The following UNC79 variants were observed in gnomAD, a reference collection of about 807,000 sequenced individuals.
UNC79 encodes the protein protein unc-79 homolog.
A neutral mutation model predicts 283.1 loss-of-function variants in UNC79; 37 were observed. The observed-to-expected ratio is 0.13, with a 90% CI of 0.10 to 0.17. The LOEUF is 0.17. UNC79 is among the 10% of genes least tolerant of loss of function. UNC79 has a pLI of 1.00. For missense variants in UNC79, 2,272 were observed against 3,211.1 expected (o/e 0.71, Z 7.07); for synonymous variants, 1,107 against 1,200.2 (o/e 0.92, Z 1.61).
chr14:93,689,785 G>A (rs752581755), intron 44 of UNC79: 2 of 231,784 alleles, frequency 8.6e-6, no homozygotes, highest in South Asian at 1.0e-4. Flanking sequence ...CACCGCGCCC[G>A]GCCCACCAGA....
intron 1 of UNC79, among the ~76,000 whole-genome samples, chr14:93,454,926 T>C (rs1331359174): frequency 6.6e-6 from 1 of 152,186 alleles, no homozygotes; most frequent in Non-Finnish European, 1.5e-5. Context: ...TAAATGGCCA[T>C]ACAAATGTAA....
intron 1 of UNC79, chr14:93,347,500 G>A: frequency 7.8e-7 from 1 of 1,281,582 alleles, no homozygotes. Flanking sequence ...CCTCGCGTGG[G>A]AGGCTCTTGT....
At chr14:93,665,637 C>T (rs1292600934) in intron 40 of UNC79, among the ~76,000 whole-genome samples, 2 of 150,968 alleles carry the variant, frequency 1.3e-5, no homozygotes, top group East Asian at 3.9e-4. Flanking sequence ...AAAATATTTT[C>T]AGAAAAACCA....
Position 93,380,140 on chromosome 14 carries a change from C to T in UNC79, c.-351+46617C>T, listed in dbSNP as rs1595408342. ...TAGATGCATATGTCAGATTTGCTCTCCTTATTGGTGGGATGGGTAGAGTAG... is the reference window on the plus strand; with the variant it reads ...TAGATGCATATGTCAGATTTGCTCTTCTTATTGGTGGGATGGGTAGAGTAG... On this transcript the variant is annotated intron_variant, in intron 1 of 49. Coordinates refer to the UNC79 transcript ENST00000256339. 2.0e-5 allele frequency among the ~76,000 whole-genome samples: 3 copies of T among 152,180 alleles called. No individual in the cohort carries two copies. The South Asian group carries it at 6.2e-4, about 32-fold the overall frequency.
intron 20 of UNC79, among the ~76,000 whole-genome samples, chr14:93,585,755 G>A (rs932287920): frequency 1.3e-5 from 2 of 152,022 alleles, no homozygotes; most frequent in Non-Finnish European, 2.9e-5. Context: ...CTCCCGAGAG[G>A]GTGAAAATAA....
At chr14:93,680,124 G>T (rs1263368414) in intron 41 of UNC79, among the ~76,000 whole-genome samples, 1 of 152,070 alleles carries the variant, frequency 6.6e-6, no homozygotes, top group African/African-American at 2.4e-5. Flanking sequence ...GGTGATTTTT[G>T]ATTAATTCTG....
At chr14:93,539,193 G>T (rs565785934) in intron 12 of UNC79, among the ~76,000 whole-genome samples, 1 of 144,440 alleles carries the variant, frequency 6.9e-6, no homozygotes, top group Non-Finnish European at 1.5e-5. Flanking sequence ...GTGAGCCACC[G>T]TGCCTGGCTC....
intron 7 of UNC79, among the ~76,000 whole-genome samples, chr14:93,505,516 T>A (rs1457129135): frequency 6.6e-6 from 1 of 152,114 alleles, no homozygotes; most frequent in Non-Finnish European, 1.5e-5. Flanking sequence ...ACTTTTCCCA[T>A]CTTTTAATTT....
chr14:93,622,224 C>G, exon 30 of UNC79: 1 of 1,614,146 alleles, frequency 6.2e-7, no homozygotes, highest in Non-Finnish European at 8.5e-7. Flanking sequence ...GGTAAAAATG[C>G]TGCCTCTTCT....
chr14:93,353,549 AC>A (rs1412932308), intron 1 of UNC79, among the ~76,000 whole-genome samples: 1 of 152,206 alleles, frequency 6.6e-6, no homozygotes, highest in Non-Finnish European at 1.5e-5. Context: ...AACTTCAGTT[AC>A]CATATACTTG....
intron 16 of UNC79, among the ~76,000 whole-genome samples, chr14:93,574,067 A>T (rs1276522252): frequency 1.3e-5 from 2 of 152,260 alleles, no homozygotes; most frequent in African/African-American, 4.8e-5. Flanking sequence ...ATTTATTCCC[A>T]AATGGATTTC....
chr14:93,550,343 C>T (rs774427624), intron 14 of UNC79, among the ~76,000 whole-genome samples: 2 of 151,756 alleles, frequency 1.3e-5, no homozygotes, highest in Non-Finnish European at 2.9e-5. Context: ...GGTGAAACCT[C>T]GTCTCTACTA....
At chr14:93,684,417 C>T (rs1390034333) in intron 42 of UNC79, among the ~76,000 whole-genome samples, 2 of 152,032 alleles carry the variant, frequency 1.3e-5, no homozygotes, top group African/African-American at 4.8e-5. Flanking sequence ...AATATGGAAA[C>T]AAAGTAAATG....
intron 1 of UNC79, among the ~76,000 whole-genome samples, chr14:93,451,790 G>T (rs2056652192): frequency 6.6e-6 from 1 of 152,162 alleles, no homozygotes; most frequent in Non-Finnish European, 1.5e-5. Flanking sequence ...CACACTAGTT[G>T]GTTCTTGGCT....
At chr14:93,384,586 A>G (rs895672529) in intron 1 of UNC79, among the ~76,000 whole-genome samples, 2 of 152,234 alleles carry the variant, frequency 1.3e-5, no homozygotes, top group Non-Finnish European at 2.9e-5. Flanking sequence ...AACTCATTAT[A>G]TATTCTGGCT....
At chr14:93,664,902 C>T (rs1011723224) in intron 40 of UNC79, among the ~76,000 whole-genome samples, 6 of 151,972 alleles carry the variant, frequency 3.9e-5, no homozygotes, top group African/African-American at 4.8e-5. Flanking sequence ...TAGTTAAAAT[C>T]CTAATGAACA....
At chr14:93,461,487 C>G (rs959027999) in intron 1 of UNC79, among the ~76,000 whole-genome samples, 1 of 152,118 alleles carries the variant, frequency 6.6e-6, no homozygotes, top group Non-Finnish European at 1.5e-5. Context: ...TGTGTATGCA[C>G]AGACCTCTTT....
rs188730833 is a variant in UNC79 at position 93,686,747 on chromosome 14, G to A, written c.6909+86G>A. On this transcript the variant is annotated intron_variant, in intron 43 of 48. Transcript: ENST00000555664. ...TTAAGCAGACCATAGGGAACTTATC[G>A]CTACCTGGGGAGGCAGCCGTGGCAC... The A allele has an allele frequency of 1.1e-3, 1,548 of 1,463,666 alleles. 7 individuals carry two copies. Among genetic ancestry groups the A allele is most frequent in the African/African-American group, 2.5e-3 (181 of 71,800 alleles). 90.7% of individuals were successfully genotyped at this position (1,463,666 alleles called of 1,614,324 possible). A position where few individuals can be genotyped will look rare whatever the true frequency, so the allele number is the denominator to read the frequency against.
intron 1 of UNC79, chr14:93,348,269 T>A (rs2053910555): frequency 9.8e-6 from 6 of 610,086 alleles, no homozygotes; most frequent in African/African-American, 1.8e-5. Context: ...TTTGCACTTT[T>A]TTAGTACTGT....
Sources: gnomAD v4.1 joint callset for allele counts (sites outside exome capture counted in the v4.1 genomes callset) on GRCh38, gnomAD v4.1.1 for gene constraint, MANE v1.5 for transcripts, NCBI Gene and HGNC (gene_info 2026-07-23, HGNC 2026-07-21) for gene names.